CFAP46: variants seen among roughly 807,000 people sequenced by gnomAD.
CFAP46 encodes the protein cilia- and flagella-associated protein 46.
A neutral mutation model predicts 325.7 loss-of-function variants in CFAP46; 245 were observed. That is an observed-to-expected ratio of 0.75 (90% CI 0.68 to 0.84). CFAP46 has a LOEUF of 0.84. Ranked by LOEUF, CFAP46 falls within the 40% of genes least tolerant of loss-of-function variation. CFAP46 has a pLI of 0.00. For missense variants in CFAP46, 3,346 were observed against 3,543.0 expected, an observed-to-expected ratio of 0.94 and a Z score of 1.41; for synonymous variants, 1,523 against 1,495.9, an observed-to-expected ratio of 1.02 and a Z score of -0.42.
chr10:132,921,409 G>A (rs573720555), intron 13 of CFAP46, among the ~76,000 whole-genome samples: 202 of 152,326 alleles, frequency 1.3e-3, no homozygotes, highest in Non-Finnish European at 1.4e-3. Context: ...CACACCTGCC[G>A]AACCCTGGCT....
At position 132,910,942 on chromosome 10, in the gene CFAP46, G is replaced by C. The variant is rs59524208; in HGVS notation, c.2500-874C>G. Among the ~76,000 whole-genome samples, 1,140 of 152,248 alleles carry C rather than the reference G, an allele frequency of 7.5e-3. 12 individuals are homozygous for C. Among genetic ancestry groups the C allele is most frequent in the Admixed American group, 7.0e-3 (107 of 15,296 alleles). The stretch of plus-strand genomic sequence containing the variant: ...GCCCAGTCCAGGCACCGCCCAAGCC[G>C]GCTTCCTCACACTCTCCGCCATTCA... On this transcript the variant is annotated intron_variant, in intron 19 of 57. Coordinates refer to ENST00000368586, the MANE Select transcript of CFAP46 (RefSeq NM_001200049.3).
intron 31 of CFAP46, among the ~76,000 whole-genome samples, chr10:132,873,698 A>G (rs1488541752): frequency 1.3e-5 from 2 of 152,048 alleles, no homozygotes; most frequent in Non-Finnish European, 2.9e-5. Flanking sequence ...AGGGATGACA[A>G]CCAGGCAGAG....
chr10:132,887,710 T>C (rs1295266687), intron 25 of CFAP46, among the ~76,000 whole-genome samples: 1 of 103,120 alleles, frequency 9.7e-6, no homozygotes, highest in Non-Finnish European at 2.0e-5. Flanking sequence ...CCTCTCTCTC[T>C]CCGCTCCTCT....
Position 132,869,497 on chromosome 10 carries a change from T to G in CFAP46, c.4512-125A>C, listed in dbSNP as rs534850606. On this transcript the variant is annotated intron_variant, in intron 32 of 57. Transcript: ENST00000368586. This position sits in a 1 kb window ranked among gnomAD's most constrained non-coding sequence, Gnocchi z 6.2. ...ATCGAGGCACACTTGGATGGTATTT[T>G]CAATCATTTTTAAAGGTAAGCGAAA... is the stretch of plus-strand genomic sequence containing the variant. 1,417 of 599,790 alleles carry G rather than the reference T, an allele frequency of 2.4e-3. 4 individuals are homozygous for G. The highest frequency in any genetic ancestry group is 6.5e-3 in the Admixed American group (174 of 26,682). 37.2% of individuals were successfully genotyped at this position (599,790 alleles called of 1,614,324 possible).
chr10:132,885,150 C>G lies in CFAP46; in HGVS notation c.3580G>C (p.Val1194Leu), dbSNP rs370936158. 6.5e-7 allele frequency: 1 copy of G among 1,550,336 alleles called. No homozygotes were observed. Among genetic ancestry groups the G allele is most frequent in the South Asian group, 1.2e-5 (1 of 84,032 alleles). The stretch of plus-strand genomic sequence containing the variant: ...TTGTAGCAGGCCAGCTCTCCAGACA[C>G]GCTCGGCGAGTTCAGGGCCAGGCGG... ...WHRLALNSPSVSGELACYNNA... is the reference protein window; with the variant it reads ...WHRLALNSPSLSGELACYNNA... The change falls in exon 27 of 58, where the codon GTG becomes CTG. Residue 1194 changes from valine to leucine, a missense_variant. Transcript: ENST00000368586.
At chr10:132,924,653 G>A (rs982525189) in intron 11 of CFAP46, 43 bp downstream of exon 11, 66 of 1,418,728 alleles carry the variant, frequency 4.7e-5, no homozygotes, top group Non-Finnish European at 5.7e-5. Flanking sequence ...CCTCCTATGC[G>A]CCACGCCCTC....
chr10:132,847,039 G>A lies in CFAP46; in HGVS notation c.6160C>T (p.Leu2054Phe), dbSNP rs1376140543. Residue 2054 changes from leucine (L) to phenylalanine (F), a missense_variant, in exon 43 of 58, where the codon CTT (leucine) becomes TTT (phenylalanine). Physicochemically the swap from Leu to Phe is conservative, Grantham distance 22. Coordinates refer to ENST00000368586, the MANE Select transcript of CFAP46 (RefSeq NM_001200049.3). This position sits in a 1 kb window ranked among gnomAD's most constrained non-coding sequence, Gnocchi z 5.2. ...GCGACATCCAGGAGGCCACTGCCAAGGGCCACCTGTAGGCACTGCAGCAGC... is the reference window on the plus strand; with the variant it reads ...GCGACATCCAGGAGGCCACTGCCAAAGGCCACCTGTAGGCACTGCAGCAGC... The part of the protein sequence containing the change: ...EVLLQCLQVA[L>F]GSGLLDVAAA... The A allele has an allele frequency of 3.7e-6, 6 of 1,612,146 alleles. No individual in the cohort carries two copies. Among genetic ancestry groups the A allele is most frequent in the Non-Finnish European group, 4.2e-6 (5 of 1,179,848 alleles).
In CFAP46 at chr10:132,916,626, G is replaced by A. The variant is rs189591112; in HGVS notation, c.2043C>T (p.Pro681=). ...EGVELNDRAI[P]PEDLSQHPAG... ...CTGGGTGCTGGCTCAGGTCTTCGGG[G>A]GGGATGGCCCGGTCATTCAGCTCTA... The change falls in exon 17 of 58, where the codon CCC becomes CCT. Residue 681 remains proline, a synonymous_variant. Coordinates refer to ENST00000368586, the MANE Select transcript of CFAP46 (RefSeq NM_001200049.3). 7.3e-4 allele frequency: 1,128 copies of A among 1,540,388 alleles called. 31 individuals carry two copies. In the East Asian group the frequency reaches 0.021, roughly 29 times the overall value.
Position 132,836,156 on chromosome 10 carries a change from A to C in CFAP46, c.6599T>G (p.Val2200Gly). The C allele has an allele frequency of 6.3e-7, 1 of 1,598,594 alleles. No individual in the cohort carries two copies. The change falls in exon 46 of 58, where the codon GTG becomes GGG. Residue 2200 changes from valine to glycine, a missense_variant. Physicochemically the swap from Val to Gly is moderately radical, Grantham distance 109. Transcript: ENST00000368586. ...PKFITAAKGKVQAVGGSCKVM... is the reference protein window; with the variant it reads ...PKFITAAKGKGQAVGGSCKVM... ...GCCCTGCTCACCTCCCACCGCCTGC[A>C]CCTTTCCTTTGGCTGCAGTAATGAA...
intron 17 of CFAP46, among the ~76,000 whole-genome samples, chr10:132,915,206 T>C (rs186555062): frequency 2.0e-5 from 3 of 152,398 alleles, no homozygotes; most frequent in African/African-American, 7.2e-5. Flanking sequence ...GAGCCCTAAT[T>C]TTCAGACCCT....
rs1458169151 is a variant in CFAP46, at chr10:132,913,746, CTT to C, written c.2121-490_2121-489del. ...GTGTGGACTCTTCCTATGAGACTCT[CTT>C]GTTTCCGGAAGTCTGTGGAGCCCTG... On this transcript the variant is annotated intron_variant, in intron 17 of 57. Transcript: ENST00000368586. Among the ~76,000 whole-genome samples the C allele has an allele frequency of 3.9e-5, 6 of 152,262 alleles. No homozygotes were observed. In the East Asian group the frequency reaches 1.2e-3, roughly 30 times the overall value.
chr10:132,909,236 A>G lies in CFAP46; in HGVS notation c.2658T>C (p.Asn886=). ...CTCTGGTCACCGAGCTGACATCCTC[A>G]TTGGTGCCCTGGTGGGGAGGATGCC... is the stretch of plus-strand genomic sequence containing the variant. The part of the protein sequence containing the change: ...PRLGTEEQGT[N]EDVSSVTRVL... Residue 886 remains asparagine, a synonymous_variant, in exon 21 of 58, where the codon AAT becomes AAC. Coordinates refer to ENST00000368586, the MANE Select transcript of CFAP46 (RefSeq NM_001200049.3). 6.5e-7 allele frequency: 1 copy of G among 1,548,244 alleles called. No homozygotes were observed. Among genetic ancestry groups the G allele is most frequent in the Non-Finnish European group, 8.7e-7 (1 of 1,145,044 alleles).
Position 132,867,252 on chromosome 10 carries a change from C to T in CFAP46, c.4743+123G>A, listed in dbSNP as rs948466715. ...CTCACACACTGACACACACCCAGGC[C>T]GGCCCCTCACACACTGACACACACA... On this transcript the variant is annotated intron_variant, in intron 34 of 57. Coordinates refer to ENST00000368586, the MANE Select transcript of CFAP46 (RefSeq NM_001200049.3). The T allele has an allele frequency of 1.3e-5, 16 of 1,196,152 alleles. 1 individual carries two copies. The highest frequency in any genetic ancestry group is 7.9e-5 in the South Asian group (5 of 63,106). The allele number at this position is 1,196,152 out of a possible 1,614,324, so 74.1% of individuals were successfully genotyped here.
Position 132,808,442 on chromosome 10 carries a change from G to C in CFAP46, c.8127C>G (p.Thr2709=). ...ACACTCAAATCAAAAACAGGCTCACGGTCTGAATAGTCTTCTGGTCTAAGC... is the reference window on the plus strand; with the variant it reads ...ACACTCAAATCAAAAACAGGCTCACCGTCTGAATAGTCTTCTGGTCTAAGC... ...LSCLDQKTIQ[T]VSLFLI The change falls in exon 58 of 58, where the codon ACC becomes ACG. Residue 2709 remains threonine (T), a synonymous_variant. Transcript: ENST00000368586. This position sits in a 1 kb window ranked among gnomAD's most constrained non-coding sequence, Gnocchi z 6.8. 4 of 1,608,154 alleles carry C rather than the reference G, an allele frequency of 2.5e-6. No homozygotes were observed. The highest frequency in any genetic ancestry group is 3.4e-6 in the Non-Finnish European group (4 of 1,175,886).
chr10:132,930,637 C>CAA (rs1849882783), intron 8 of CFAP46, among the ~76,000 whole-genome samples: 2 of 113,406 alleles, frequency 1.8e-5, no homozygotes, highest in East Asian at 3.0e-4. Flanking sequence ...CTCCTCTCCA[C>CAA]ACAGAGCCTG....
rs1339936337 is a variant in CFAP46, at chr10:132,938,972, C to T, written c.372-219G>A. On this transcript the variant is annotated intron_variant, in intron 4 of 57. Transcript: ENST00000368586. ...GGACAGCCTTGGGCGACCCTGCGTC[C>T]GACGTGCCATGGCTCCAGCGCAGGC... 2.6e-5 allele frequency among the ~76,000 whole-genome samples: 4 copies of T among 152,152 alleles called. 1 individual carries two copies. Among genetic ancestry groups the T allele is most frequent in the East Asian group, 3.9e-4 (2 of 5,178 alleles).
At chr10:132,831,799 C>G (rs1201515834) in intron 50 of CFAP46, among the ~76,000 whole-genome samples, 1 of 152,008 alleles carries the variant, frequency 6.6e-6, no homozygotes, top group Non-Finnish European at 1.5e-5. Context: ...TATCTGTTCT[C>G]TGTTCCCTTT....
chr10:132,816,492 C>A (rs145490464), intron 50 of CFAP46, among the ~76,000 whole-genome samples: 3,432 of 152,006 alleles, frequency 0.023, 43 homozygotes, highest in South Asian at 0.045. Context: ...CCACCACGCC[C>A]GGCTAATTTT....
At chr10:132,922,005 G>A (rs1440144493) in intron 13 of CFAP46, 99 bp downstream of exon 13, 19 of 1,386,894 alleles carry the variant, frequency 1.4e-5, no homozygotes, top group East Asian at 5.1e-5. Context: ...TCCAGGGGGC[G>A]GTGGCAGGGA....
Sources: gnomAD v4.1 joint callset for allele counts (sites outside exome capture counted in the v4.1 genomes callset) on GRCh38, gnomAD v4.1.1 for gene constraint, Gnocchi (gnomAD v3.1) non-coding constraint, MANE v1.5 for transcripts, NCBI Gene and HGNC (gene_info 2026-07-23, HGNC 2026-07-21) for gene names.